Variants in PCCB observed in about 807,000 individuals in gnomAD.
The protein encoded by PCCB is propionyl-CoA carboxylase subunit beta.
Under a neutral mutation model 60.7 loss-of-function variants are expected in PCCB, and 43 were observed. That is an observed-to-expected ratio of 0.71 (90% CI 0.55 to 0.91). The LOEUF (loss-of-function observed/expected upper bound fraction) is 0.91. Among genes scored for constraint, PCCB ranks in the 40% least tolerant of loss-of-function variants. The pLI is 0.00. For missense variants in PCCB, 766 were observed against 702.8 expected, an observed-to-expected ratio of 1.09 and a Z score of -1.02; for synonymous variants, 276 against 255.9, an observed-to-expected ratio of 1.08 and a Z score of -0.75.
intron 5 of PCCB, among the ~76,000 whole-genome samples, chr3:136,270,229 G>T (rs547876282): frequency 5.8e-4 from 88 of 152,060 alleles, no homozygotes; most frequent in Admixed American, 5.2e-4. Flanking sequence ...CTTGGTCATG[G>T]TATATCATCC....
chr3:136,268,123 T>TAG (rs1491364707), intron 5 of PCCB, among the ~76,000 whole-genome samples: 41 of 129,388 alleles, frequency 3.2e-4, no homozygotes, highest in African/African-American at 1.2e-3. Context: ...TATATATATG[T>TAG]ATATATATAT....
intron 5 of PCCB, among the ~76,000 whole-genome samples, chr3:136,273,603 T>TC (rs1275591329): frequency 1.7e-4 from 24 of 138,928 alleles, no homozygotes; most frequent in South Asian, 8.9e-4. Flanking sequence ...TTTTCTTTTT[T>TC]TTTTTTTTTT....
At chr3:136,327,951 C>T (rs1416833015) in intron 13 of PCCB, among the ~76,000 whole-genome samples, 1 of 152,144 alleles carries the variant, frequency 6.6e-6, no homozygotes, top group Non-Finnish European at 1.5e-5. Context: ...ACGCTGGTGT[C>T]TTCATGCCAA....
At chr3:136,312,166 A>G (rs1001680304) in intron 9 of PCCB, among the ~76,000 whole-genome samples, 3 of 152,256 alleles carry the variant, frequency 2.0e-5, no homozygotes, top group African/African-American at 7.2e-5. Context: ...GTTGCGTAAC[A>G]ACAGGGATGT....
intron 6 of PCCB, among the ~76,000 whole-genome samples, chr3:136,285,366 A>G (rs755695594): frequency 2.0e-5 from 3 of 151,910 alleles, no homozygotes; most frequent in African/African-American, 4.8e-5. Context: ...TCTCTTTAGT[A>G]TCTTCAGTCT....
At chr3:136,258,031 CTG>C (rs1288365527) in intron 3 of PCCB, among the ~76,000 whole-genome samples, 2 of 152,108 alleles carry the variant, frequency 1.3e-5, no homozygotes, top group African/African-American at 4.8e-5. Flanking sequence ...TGTTTTAAAA[CTG>C]TTATAAATTG....
intron 9 of PCCB, among the ~76,000 whole-genome samples, chr3:136,307,381 C>T (rs908473703): frequency 6.6e-6 from 1 of 151,772 alleles, no homozygotes; most frequent in South Asian, 2.1e-4. Context: ...TGTTTAGTTT[C>T]AGAAAAAAAT....
chr3:136,300,639 A>T (rs1459609094), intron 8 of PCCB, among the ~76,000 whole-genome samples: 1 of 152,166 alleles, frequency 6.6e-6, no homozygotes, highest in Non-Finnish European at 1.5e-5. Flanking sequence ...TGCATTTCCA[A>T]GTCCTTGTTC....
Position 136,304,864 on chromosome 3 carries a change from G to A in PCCB, c.966+3753G>A, listed in dbSNP as rs1411816594. ...CCGCCACCACGCTTGGCTAATTTTT[G>A]TATTTTTAGTAGAGACGGGGTTTCA... On this transcript the variant is annotated intron_variant, in intron 9 of 14. Coordinates refer to ENST00000251654, the MANE Select transcript of PCCB (RefSeq NM_000532.5). Among the ~76,000 whole-genome samples, 4 of 119,000 alleles carry A rather than the reference G, an allele frequency of 3.4e-5. 2 individuals are homozygous for A. Among genetic ancestry groups the A allele is most frequent in the Non-Finnish European group, 7.5e-5 (4 of 53,588 alleles). The allele number at this position is 119,000 out of a possible 152,430, so 78.1% of individuals were successfully genotyped here.
intron 9 of PCCB, among the ~76,000 whole-genome samples, chr3:136,304,993 C>G (rs2108212867): frequency 8.2e-6 from 1 of 121,270 alleles, no homozygotes; most frequent in South Asian, 3.3e-4. Context: ...GCCAACCCAG[C>G]TTTTCCAATT....
rs16843892 is a variant in PCCB, at chr3:136,292,993, C to A, written c.655-763C>A. On this transcript the variant is annotated intron_variant, in intron 6 of 14. Transcript: ENST00000251654. ...TTAAAAGCCTATCACTCTTTAATAG[C>A]AAAGCATTGATTTATTAGTTTTTTT... 4.7e-3 allele frequency among the ~76,000 whole-genome samples: 722 copies of A among 152,226 alleles called. 37 individuals are homozygous for A. In the East Asian group the frequency reaches 0.12, roughly 25 times the overall value.
intron 5 of PCCB, among the ~76,000 whole-genome samples, chr3:136,273,605 T>TTTTTTTTTTTTTTTTTC (rs1942262161): frequency 7.1e-6 from 1 of 140,182 alleles, no homozygotes; most frequent in Non-Finnish European, 1.5e-5. Flanking sequence ...TTCTTTTTTT[T>TTTTTTTTTTTTTTTTTC]TTTTTTTTTT....
At chr3:136,322,347 T>C (rs1458095921) in intron 10 of PCCB, among the ~76,000 whole-genome samples, 3 of 152,222 alleles carry the variant, frequency 2.0e-5, no homozygotes, top group Admixed American at 6.5e-5. Context: ...TTCTGCATTG[T>C]TGGATTTGAT....
In PCCB at chr3:136,328,745, C is replaced by T. The variant is rs1196197659; in HGVS notation, c.1399-13C>T. 6.2e-7 allele frequency: 1 copy of T among 1,606,736 alleles called. No homozygotes were observed. ...GGACGACCAAAGATGTTCATGAACT[C>T]CTCTAATCACAGGGCGCTGTGGAGA... is the stretch of plus-strand genomic sequence containing the variant. On this transcript the variant is annotated splice_polypyrimidine_tract_variant and intron_variant, in intron 13 of 14. Coordinates refer to ENST00000251654, the MANE Select transcript of PCCB (RefSeq NM_000532.5).
chr3:136,322,414 T>C (rs762938946), intron 10 of PCCB, among the ~76,000 whole-genome samples: 1 of 152,246 alleles, frequency 6.6e-6, no homozygotes, highest in Non-Finnish European at 1.5e-5. Context: ...TATTGAGATA[T>C]AGTTTTCTTG....
At chr3:136,285,278 T>G (rs1242072761) in intron 6 of PCCB, among the ~76,000 whole-genome samples, 1 of 152,122 alleles carries the variant, frequency 6.6e-6, no homozygotes, top group East Asian at 1.9e-4. Context: ...CATCCTTTCC[T>G]CCTGCTACAC....
At chr3:136,329,567 GA>G (rs1433416701) in intron 14 of PCCB, among the ~76,000 whole-genome samples, 1 of 152,220 alleles carries the variant, frequency 6.6e-6, no homozygotes, top group Non-Finnish European at 1.5e-5. Flanking sequence ...GTACAAGGAT[GA>G]ATTGTTATAG....
At chr3:136,327,290 C>G (rs373172273) in intron 12 of PCCB, 35 bp downstream of exon 12, 27 of 1,504,080 alleles carry the variant, frequency 1.8e-5, no homozygotes, top group Non-Finnish European at 2.4e-5. Flanking sequence ...TGACCCTGCT[C>G]ACTTTCCTAC....
chr3:136,317,765 A>T (rs942801560), intron 10 of PCCB, among the ~76,000 whole-genome samples: 1 of 152,276 alleles, frequency 6.6e-6, no homozygotes, highest in East Asian at 1.9e-4. Context: ...TGCCAGGCAC[A>T]TAGATGGTAC....
Sources: allele counts gnomAD v4.1 joint callset (sites outside exome capture counted in the v4.1 genomes callset), GRCh38; gene constraint gnomAD v4.1.1; transcripts MANE v1.5; gene names NCBI Gene and HGNC (gene_info 2026-07-23, HGNC 2026-07-21).